Variants in DHRSX observed in about 807,000 individuals in gnomAD.
DHRSX encodes dehydrogenase/reductase X-linked, also known as polyprenol dehydrogenase.
DHRSX carries 31 observed loss-of-function variants against 34.0 expected under a neutral mutation model. The observed-to-expected ratio is 0.91, with a 90% confidence interval of 0.69 to 1.23. DHRSX has a LOEUF of 1.23. Among genes scored for constraint, DHRSX ranks in the 50% most tolerant of loss-of-function variants. The pLI, the probability that DHRSX is intolerant of heterozygous loss-of-function variation, is 0.00. For synonymous variants in DHRSX, 201 were observed against 183.8 expected (o/e 1.09, Z -0.76); for missense variants, 414 against 428.1 (o/e 0.97, Z 0.29).
intron 5 of DHRSX, among the ~76,000 whole-genome samples, chrX:2,255,434 GGAT>G (rs1341995706): frequency 4.6e-5 from 7 of 152,076 alleles, no homozygotes; most frequent in Non-Finnish European, 1.0e-4. Flanking sequence ...AGTCTATACT[GGAT>G]GATTTCACGG....
chrX:2,371,480 CCTCCT>C, intron 3 of DHRSX, among the ~76,000 whole-genome samples: 1 of 143,676 alleles, frequency 7.0e-6, no homozygotes, highest in Non-Finnish European at 1.6e-5. Context: ...CATAGACCCT[CCTCCT>C]CCCGTTACCG....
intron 1 of DHRSX, among the ~76,000 whole-genome samples, chrX:2,481,509 T>C (rs1159607280): frequency 6.6e-6 from 1 of 151,432 alleles, no homozygotes; most frequent in Admixed American, 6.6e-5. Flanking sequence ...CTACGAAAAA[T>C]ATAAAAATTA....
intron 3 of DHRSX, among the ~76,000 whole-genome samples, chrX:2,407,788 G>A (rs1036820198): frequency 2.2e-4 from 34 of 152,132 alleles, no homozygotes; most frequent in African/African-American, 8.2e-4. Context: ...GGTGGGAGGT[G>A]GAAGAGGAGC....
chrX:2,356,152 G>C (rs1252135198), intron 3 of DHRSX, among the ~76,000 whole-genome samples: 1 of 151,868 alleles, frequency 6.6e-6, no homozygotes, highest in African/African-American at 2.4e-5. Context: ...GAGGCAGGCA[G>C]ATCAACTGAA....
chrX:2,333,421 T>A (rs1193581580), intron 3 of DHRSX, among the ~76,000 whole-genome samples: 1 of 152,120 alleles, frequency 6.6e-6, no homozygotes, highest in Admixed American at 6.6e-5. Flanking sequence ...GCACAATATC[T>A]GATATGCAGT....
At position 2,324,057 on chromosome X, in the gene DHRSX, GAAAA is replaced by G. The variant is rs755736026; in HGVS notation, c.287-32458_287-32455del. 5.2e-3 allele frequency among the ~76,000 whole-genome samples: 743 copies of G among 143,046 alleles called. 8 individuals are homozygous for G. Among genetic ancestry groups the G allele is most frequent in the African/African-American group, 0.017 (664 of 38,970 alleles). 93.8% of individuals were successfully genotyped at this position (143,046 alleles called of 152,430 possible). A position where few individuals can be genotyped will look rare whatever the true frequency, so the allele number is the denominator to read the frequency against. On this transcript the variant is annotated intron_variant, in intron 3 of 6. Coordinates refer to ENST00000334651, the MANE Select transcript of DHRSX (RefSeq NM_145177.3). ...GGGTAACAGATGGAGACCCTGTCTG[GAAAA>G]AAAAAAAAAAAAAGATTTTGCACAA...
intron 1 of DHRSX, among the ~76,000 whole-genome samples, chrX:2,464,724 T>G (rs1394608020): frequency 1.3e-5 from 2 of 151,342 alleles, no homozygotes; most frequent in Non-Finnish European, 2.9e-5. Flanking sequence ...TCCCTAGGCA[T>G]GTGGCCAAGG....
intron 1 of DHRSX, among the ~76,000 whole-genome samples, chrX:2,482,209 A>G (rs1047546370): frequency 1.3e-5 from 2 of 151,084 alleles, no homozygotes; most frequent in African/African-American, 4.9e-5. Context: ...ATTTCACTGC[A>G]GCCTCCAACT....
chrX:2,431,142 G>A (rs1436113404), intron 1 of DHRSX, among the ~76,000 whole-genome samples: 12 of 151,940 alleles, frequency 7.9e-5, no homozygotes, highest in Non-Finnish European at 8.8e-5. Context: ...TGGCTAACAC[G>A]GTGAAACCCG....
intron 3 of DHRSX, among the ~76,000 whole-genome samples, chrX:2,354,596 G>A (rs1486268472): frequency 6.6e-6 from 1 of 152,108 alleles, no homozygotes; most frequent in Non-Finnish European, 1.5e-5. Flanking sequence ...CGAATAGCTG[G>A]GACCACAGGC....
chrX:2,253,267 C>T (rs1373671661), intron 5 of DHRSX, among the ~76,000 whole-genome samples: 2 of 151,202 alleles, frequency 1.3e-5, no homozygotes, highest in African/African-American at 2.4e-5. Context: ...AGGAGGCGGA[C>T]GTGGTCGTGA....
chrX:2,396,197 T>G (rs2043407160), intron 3 of DHRSX, among the ~76,000 whole-genome samples: 1 of 152,046 alleles, frequency 6.6e-6, no homozygotes, highest in South Asian at 2.1e-4. Context: ...TCATTGGATT[T>G]AAGACTCACC....
At chrX:2,356,856 T>G (rs1235869568) in intron 3 of DHRSX, among the ~76,000 whole-genome samples, 1 of 152,160 alleles carries the variant, frequency 6.6e-6, no homozygotes, top group Non-Finnish European at 1.5e-5. Context: ...ACATAGAACA[T>G]AGAAAATATG....
At chrX:2,252,763 G>T (rs956653157) in intron 5 of DHRSX, among the ~76,000 whole-genome samples, 2 of 152,208 alleles carry the variant, frequency 1.3e-5, no homozygotes, top group African/African-American at 4.8e-5. Flanking sequence ...TTTCAGGAGA[G>T]ATTCCCTGGG....
rs34990707 is a variant in DHRSX at position 2,259,395 on chromosome X, G to GATATATATATATAGATATATAGAT, written c.596+7344_596+7345insATCTATATATCTATATATATATAT. On this transcript the variant is annotated intron_variant, in intron 5 of 6. Transcript: ENST00000334651. ...ATATAGATATATATATAGATATATA[G>GATATATATATATAGATATATAGAT]ATATATATATAGATATAGATATATA... Among the ~76,000 whole-genome samples, 323 of 124,080 alleles carry GATATATATATATAGATATATAGAT rather than the reference G, an allele frequency of 2.6e-3. 1 individual carries two copies. Among genetic ancestry groups the GATATATATATATAGATATATAGAT allele is most frequent in the Middle Eastern group, 4.0e-3 (1 of 252 alleles). 81.4% of individuals were successfully genotyped at this position (124,080 alleles called of 152,430 possible).
intron 5 of DHRSX, among the ~76,000 whole-genome samples, chrX:2,266,374 G>A (rs2041471834): frequency 6.9e-6 from 1 of 145,906 alleles, no homozygotes; most frequent in South Asian, 2.2e-4. Flanking sequence ...CAGATGCAGG[G>A]AGCACTGTCC....
chrX:2,270,912 A>G (rs1484211927), intron 4 of DHRSX, among the ~76,000 whole-genome samples: 3 of 148,844 alleles, frequency 2.0e-5, no homozygotes, highest in South Asian at 2.1e-4. Flanking sequence ...ACCAATCAGC[A>G]CTCTGTAAAA....
At chrX:2,254,109 C>T (rs2124444294) in intron 5 of DHRSX, among the ~76,000 whole-genome samples, 1 of 152,140 alleles carries the variant, frequency 6.6e-6, no homozygotes, top group African/African-American at 2.4e-5. Flanking sequence ...GTGATGGATA[C>T]TGTAGGATGT....
At chrX:2,236,385 AG>A (rs1391638359) in intron 6 of DHRSX, among the ~76,000 whole-genome samples, 1 of 152,108 alleles carries the variant, frequency 6.6e-6, no homozygotes, top group Non-Finnish European at 1.5e-5. Flanking sequence ...TGCACATTGC[AG>A]GGAAAGGGTG....
Sources: allele counts gnomAD v4.1 joint callset (sites outside exome capture counted in the v4.1 genomes callset), GRCh38; gene constraint gnomAD v4.1.1; transcripts MANE v1.5; gene names NCBI Gene and HGNC (gene_info 2026-07-23, HGNC 2026-07-21).